Variants in ADGRE1 observed in about 807,000 individuals in gnomAD.
ADGRE1 encodes the protein EGF-like module receptor 1.
A neutral mutation model predicts 102.7 loss-of-function variants in ADGRE1; 82 were observed. The ratio of observed to expected loss-of-function variants is 0.80; its 90% CI spans 0.67 to 0.96. The LOEUF is 0.96. Ranked by LOEUF, ADGRE1 falls within the 40% of genes least tolerant of loss-of-function variation. The probability of loss-of-function intolerance (pLI) is 0.00; values close to 1 mark genes in which losing one functional copy is unlikely to be tolerated. For synonymous variants in ADGRE1, 398 were observed against 399.6 expected, an observed-to-expected ratio of 1.00 and a Z score of 0.05; for missense variants, 1,032 against 1,085.3, an observed-to-expected ratio of 0.95 and a Z score of 0.69.
chr19:6,919,817 A>G (rs1974566119), intron 13 of ADGRE1, 70 bp downstream of exon 13: 3 of 1,484,936 alleles, frequency 2.0e-6, no homozygotes, highest in African/African-American at 1.4e-5. Flanking sequence ...GATTGCCTTA[A>G]CTCTCATTTT....
chr19:6,937,091 T>C lies in ADGRE1; in HGVS notation c.2382-152T>C, dbSNP rs529397704. ...TTTAAATGTCTATAGGATTTGATTT[T>C]GCAACACCTAGGCTTGGAGACCCCA... On this transcript the variant is annotated intron_variant, in intron 18 of 20. Transcript: ENST00000312053. 1.4e-5 allele frequency: 11 copies of C among 766,654 alleles called. No homozygotes were observed. The African/African-American group carries it at 1.9e-4, about 13-fold the overall frequency. 47.5% of individuals were successfully genotyped at this position (766,654 alleles called of 1,614,324 possible).
intron 8 of ADGRE1, among the ~76,000 whole-genome samples, chr19:6,905,675 C>T (rs1439627025): frequency 6.6e-6 from 1 of 152,030 alleles, no homozygotes; most frequent in Non-Finnish European, 1.5e-5. Flanking sequence ...AAAAGAATTT[C>T]AGAGTCCTTT....
intron 5 of ADGRE1, among the ~76,000 whole-genome samples, chr19:6,900,984 G>T (rs1165874362): frequency 1.3e-5 from 2 of 152,208 alleles, no homozygotes; most frequent in Non-Finnish European, 2.9e-5. Flanking sequence ...AGCTGACCTT[G>T]GCTGGGCTTT....
chr19:6,926,233 C>A, intron 15 of ADGRE1, 133 bp from the exon 16 acceptor site: 1 of 945,872 alleles, frequency 1.1e-6, no homozygotes, highest in Non-Finnish European at 1.6e-6. Flanking sequence ...CTGCACCTCT[C>A]TATAAATGTT....
intron 5 of ADGRE1, among the ~76,000 whole-genome samples, chr19:6,901,649 G>A (rs532730206): frequency 6.6e-6 from 1 of 152,276 alleles, no homozygotes; most frequent in Non-Finnish European, 1.5e-5. Context: ...CCACCCTTCT[G>A]CTTACATGCT....
Position 6,889,136 on chromosome 19 carries a change from G to A in ADGRE1, c.32-1345G>A, listed in dbSNP as rs139725770. Among the ~76,000 whole-genome samples the A allele has an allele frequency of 4.3e-3, 652 of 151,822 alleles. 3 individuals carry two copies. The highest frequency in any genetic ancestry group is 7.4e-3 in the Non-Finnish European group (505 of 67,940). ...TGATGATGATAATGGTGATGATAGG[G>A]ATAATGATGATGATGGTGGTGATGA... On this transcript the variant is annotated intron_variant, in intron 1 of 20. Transcript: ENST00000312053.
At chr19:6,905,318 A>T (rs987567793) in intron 8 of ADGRE1, among the ~76,000 whole-genome samples, 6 of 150,640 alleles carry the variant, frequency 4.0e-5, no homozygotes, top group Non-Finnish European at 5.9e-5. Context: ...ACTGCACTCA[A>T]GCCTGGGTGA....
At chr19:6,899,989 G>C (rs1228947162) in intron 5 of ADGRE1, among the ~76,000 whole-genome samples, 1 of 151,482 alleles carries the variant, frequency 6.6e-6, no homozygotes, top group Non-Finnish European at 1.5e-5. Flanking sequence ...AGCTACTTGA[G>C]AGGCTGAGGC....
chr19:6,909,322 AC>A (rs1974086025), intron 10 of ADGRE1, among the ~76,000 whole-genome samples: 1 of 152,198 alleles, frequency 6.6e-6, no homozygotes, highest in Non-Finnish European at 1.5e-5. Context: ...AGGATGCAGA[AC>A]AGTTTAATTA....
chr19:6,935,838 T>A (rs1975380654), intron 18 of ADGRE1, among the ~76,000 whole-genome samples: 1 of 152,234 alleles, frequency 6.6e-6, no homozygotes, highest in Non-Finnish European at 1.5e-5. Context: ...ACCTATTTAC[T>A]TGCAACATTG....
chr19:6,929,103 C>T (rs927746261), intron 17 of ADGRE1, among the ~76,000 whole-genome samples: 4 of 152,184 alleles, frequency 2.6e-5, no homozygotes, highest in Non-Finnish European at 4.4e-5. Context: ...CCATGAGTCT[C>T]TCTGAAGCAG....
At position 6,896,539 on chromosome 19, in the gene ADGRE1, A is replaced by C. The variant is rs112442881; in HGVS notation, c.236A>C (p.Lys79Thr). ...NHFKDPGVRC[K>T]DIDECSQSPQ... ...TTCAAGGATCCAGGAGTGCGATGCA[A>C]AGGTGAGTTCATGTCCCCTCAAACC... The change falls in exon 3 of 21, where the codon AAA (lysine) becomes ACA (threonine). Residue 79 changes from lysine to threonine, a missense_variant and splice_region_variant. Physicochemically the swap from Lys to Thr is moderately conservative, Grantham distance 78. Transcript: ENST00000312053. 5.3e-5 allele frequency: 86 copies of C among 1,613,924 alleles called. No homozygotes were observed. The African/African-American group carries it at 8.9e-4, about 17-fold the overall frequency.
At chr19:6,932,125 T>C (rs1349504358) in intron 17 of ADGRE1, among the ~76,000 whole-genome samples, 2 of 151,910 alleles carry the variant, frequency 1.3e-5, no homozygotes, top group African/African-American at 4.8e-5. Flanking sequence ...AGGTGTAGAG[T>C]CCACCAAATA....
chr19:6,940,267 T>A lies in ADGRE1; in HGVS notation c.*238T>A, dbSNP rs1392770315. 2 of 585,372 alleles carry A rather than the reference T, an allele frequency of 3.4e-6. No homozygotes were observed. Among genetic ancestry groups the A allele is most frequent in the Non-Finnish European group, 6.1e-6 (2 of 329,896 alleles). The allele number at this position is 585,372 out of a possible 1,614,324, so 36.3% of individuals were successfully genotyped here. A position where few individuals can be genotyped will look rare whatever the true frequency, so the allele number is the denominator to read the frequency against. ...TCTTCGTGCTCTGCAACTTCTTCAA[T>A]TCCAGAGTTTCTGAGAACAGACCCA... On this transcript the variant is annotated 3_prime_UTR_variant, in exon 21 of 21. Coordinates refer to ENST00000312053, the MANE Select transcript of ADGRE1 (RefSeq NM_001974.5).
chr19:6,908,824 C>A, intron 10 of ADGRE1, 52 bp downstream of exon 10: 1 of 1,543,448 alleles, frequency 6.5e-7, no homozygotes, highest in South Asian at 1.2e-5. Flanking sequence ...ATCTTGGGCA[C>A]ACTTTGGGTG....
chr19:6,902,177 C>T lies in ADGRE1; in HGVS notation c.661+156C>T, dbSNP rs577192725. On this transcript the variant is annotated intron_variant, in intron 6 of 20. Coordinates refer to ENST00000312053, the MANE Select transcript of ADGRE1 (RefSeq NM_001974.5). Reference sequence around the variant, plus strand: ...ACTCATTAAAGAAATACCTCTTGAGCACTTACAGTATACGTGGCACTATTC... The same window carrying T: ...ACTCATTAAAGAAATACCTCTTGAGTACTTACAGTATACGTGGCACTATTC... Among the ~76,000 whole-genome samples the T allele has an allele frequency of 1.1e-4, 16 of 152,274 alleles. 1 individual carries two copies. The South Asian group carries it at 2.9e-3, about 28-fold the overall frequency.
intron 2 of ADGRE1, among the ~76,000 whole-genome samples, chr19:6,891,863 G>A (rs1356512548): frequency 6.6e-6 from 1 of 152,142 alleles, no homozygotes; most frequent in African/African-American, 2.4e-5. Context: ...CCAGGCAAAG[G>A]GGCAGGGTGG....
chr19:6,931,702 G>A (rs1185306204), intron 17 of ADGRE1, among the ~76,000 whole-genome samples: 4 of 151,900 alleles, frequency 2.6e-5, no homozygotes, highest in Non-Finnish European at 5.9e-5. Flanking sequence ...GGAGGCTGAG[G>A]CACAAGAATA....
intron 10 of ADGRE1, among the ~76,000 whole-genome samples, chr19:6,911,869 AC>A (rs1033118293): frequency 1.3e-5 from 2 of 150,824 alleles, no homozygotes; most frequent in East Asian, 3.9e-4. Flanking sequence ...ACATACACAC[AC>A]CCCACACACA....
Sources: gnomAD v4.1 joint callset for allele counts (sites outside exome capture counted in the v4.1 genomes callset) on GRCh38, gnomAD v4.1.1 for gene constraint, MANE v1.5 for transcripts, NCBI Gene and HGNC (gene_info 2026-07-23, HGNC 2026-07-21) for gene names.